PSAP: variants seen among roughly 807,000 people sequenced by gnomAD.
PSAP encodes precursor of saposins.
In PSAP, 25 loss-of-function variants were observed where a neutral mutation model predicts 66.0. The observed-to-expected ratio is 0.38, with a 90% CI of 0.28 to 0.53. The LOEUF is 0.53. Among genes scored for constraint, PSAP ranks in the 20% least tolerant of loss-of-function variants. The pLI, the probability that PSAP is intolerant of heterozygous loss-of-function variation, is 0.83. For synonymous variants in PSAP, 273 were observed against 258.9 expected (o/e 1.05, Z -0.52); for missense variants, 649 against 668.8 (o/e 0.97, Z 0.33).
chr10:71,819,399 C>T, intron 11 of PSAP, 66 bp downstream of exon 11: 5 of 1,594,636 alleles, frequency 3.1e-6, no homozygotes, highest in Non-Finnish European at 4.3e-6. Flanking sequence ...CAAAATGTAC[C>T]CCAGCCTTGG....
chr10:71,829,015 T>C lies in PSAP; in HGVS notation c.438A>G (p.Ala146=), dbSNP rs758862885. The change falls in exon 5 of 14, where the codon GCA becomes GCG. Residue 146 remains alanine (A), a synonymous_variant. Coordinates refer to ENST00000394936, the MANE Select transcript of PSAP (RefSeq NM_002778.4). ...CCAGCTGCTTCTGGTGATTCAGCTC[T>C]GCTAGGTGCTTCTGGAGAGACTCGC... The part of the protein sequence containing the change: ...NLCESLQKHL[A]ELNHQKQLES... 3.7e-6 allele frequency: 6 copies of C among 1,614,030 alleles called. No individual in the cohort carries two copies. The highest frequency in any genetic ancestry group is 1.6e-4 in the Middle Eastern group (1 of 6,084).
chr10:71,818,127 C>A (rs1007861121), intron 13 of PSAP, among the ~76,000 whole-genome samples: 1 of 152,264 alleles, frequency 6.6e-6, no homozygotes, highest in African/African-American at 2.4e-5. Flanking sequence ...CACAAGTCAC[C>A]CAACTGGTGG....
intron 9 of PSAP, 135 bp from the exon 10 acceptor site, chr10:71,820,035 A>G: frequency 1.1e-6 from 1 of 936,830 alleles, no homozygotes; most frequent in South Asian, 1.4e-5. Flanking sequence ...CTACCAAACT[A>G]CAAAGCAGGG....
chr10:71,821,932 C>T lies in PSAP; in HGVS notation c.853G>A (p.Ala285Thr), dbSNP rs1159577504. ...KEMPMQTLVPAKVASKNVIPA... is the reference protein window; with the variant it reads ...KEMPMQTLVPTKVASKNVIPA... Reference sequence around the variant, plus strand: ...ATGACATTCTTGGAGGCCACTTTGGCGGGGACCAGAGTCTGCATGGGCATC... The same window carrying T: ...ATGACATTCTTGGAGGCCACTTTGGTGGGGACCAGAGTCTGCATGGGCATC... Residue 285 changes from alanine (A) to threonine (T), a missense_variant, in exon 8 of 14, where the codon GCC becomes ACC. Physicochemically the swap from Ala to Thr is moderately conservative, Grantham distance 58. Coordinates refer to ENST00000394936, the MANE Select transcript of PSAP (RefSeq NM_002778.4). The T allele has an allele frequency of 3.1e-6, 5 of 1,614,148 alleles. No homozygotes were observed. The highest frequency in any genetic ancestry group is 4.2e-6 in the Non-Finnish European group (5 of 1,180,028).
intron 2 of PSAP, among the ~76,000 whole-genome samples, 189 bp from the exon 3 acceptor site, chr10:71,832,109 G>A (rs1368560659): frequency 2.0e-5 from 3 of 152,136 alleles, no homozygotes; most frequent in African/African-American, 2.4e-5. Context: ...GAAGAGGTGT[G>A]ACTCACCAGA....
At position 71,831,473 on chromosome 10, in the gene PSAP, G is replaced by A. The variant is rs142735142; in HGVS notation, c.250-222C>T. Reference sequence around the variant, plus strand: ...TGAAAATCCCTGGACCTGCAGTCTCGCAGGCACAGGGAATTCTAAGCAGAG... The same window carrying A: ...TGAAAATCCCTGGACCTGCAGTCTCACAGGCACAGGGAATTCTAAGCAGAG... On this transcript the variant is annotated intron_variant, in intron 3 of 13. Coordinates refer to ENST00000394936, the MANE Select transcript of PSAP (RefSeq NM_002778.4). Among the ~76,000 whole-genome samples the A allele has an allele frequency of 3.8e-4, 58 of 152,232 alleles. No individual in the cohort carries two copies. The East Asian group carries it at 8.9e-3, about 23-fold the overall frequency.
At chr10:71,848,042 C>A (rs1174663042) in intron 1 of PSAP, among the ~76,000 whole-genome samples, 1 of 152,246 alleles carries the variant, frequency 6.6e-6, no homozygotes, top group Non-Finnish European at 1.5e-5. Flanking sequence ...TCATGCCTTA[C>A]ACCTAGCTGA....
chr10:71,850,686 T>C (rs1842909806), intron 1 of PSAP, among the ~76,000 whole-genome samples: 1 of 152,248 alleles, frequency 6.6e-6, no homozygotes, highest in South Asian at 2.1e-4. Context: ...AGTAAATACA[T>C]ATGCAAACGT....
rs182434829 is a variant in PSAP at position 71,828,297 on chromosome 10, T to C, written c.577-140A>G. 321 of 882,618 alleles carry C rather than the reference T, an allele frequency of 3.6e-4. 1 individual carries two copies. Among genetic ancestry groups the C allele is most frequent in the African/African-American group, 2.3e-3 (143 of 61,182 alleles). 54.7% of individuals were successfully genotyped at this position (882,618 alleles called of 1,614,324 possible). On this transcript the variant is annotated intron_variant, in intron 5 of 13. Transcript: ENST00000394936. Reference sequence around the variant, plus strand: ...GCTTTACAGGCTCTCAAATTACTGATAGGCTTAAAATCGATTAAGTGTTCA... The same window carrying C: ...GCTTTACAGGCTCTCAAATTACTGACAGGCTTAAAATCGATTAAGTGTTCA...
intron 7 of PSAP, 173 bp downstream of exon 7, chr10:71,825,664 G>A: frequency 1.4e-6 from 1 of 704,992 alleles, no homozygotes; most frequent in Non-Finnish European, 2.6e-6. Flanking sequence ...CGTAACAGGG[G>A]AGGTACTGAG....
chr10:71,819,515 C>G lies in PSAP; in HGVS notation c.1300G>C (p.Ala434Pro). Residue 434 changes from alanine (A) to proline (P), a missense_variant, in exon 11 of 14, where the codon GCT (alanine) becomes CCT (proline). Coordinates refer to ENST00000394936, the MANE Select transcript of PSAP (RefSeq NM_002778.4). ...AAGCTGCAGCCTTTCTCAAGAGCAG[C>G]CAGGATCTCCTGCTTGGTGCTGTTT... ...EKNSTKQEIL[A>P]ALEKGCSFLP... The G allele has an allele frequency of 1.9e-6, 3 of 1,614,232 alleles. No individual in the cohort carries two copies. Among genetic ancestry groups the G allele is most frequent in the Non-Finnish European group, 1.7e-6 (2 of 1,180,054 alleles).
At chr10:71,829,330 C>G (rs1842465689) in intron 4 of PSAP, among the ~76,000 whole-genome samples, 2 of 152,174 alleles carry the variant, frequency 1.3e-5, no homozygotes, top group Non-Finnish European at 2.9e-5. Flanking sequence ...TGTCCCCACC[C>G]AAATCTCATC....
At chr10:71,851,066 G>GC (rs1432709723) in intron 1 of PSAP, 116 bp downstream of exon 1, 11 of 1,210,356 alleles carry the variant, frequency 9.1e-6, no homozygotes, top group Admixed American at 2.0e-5. Flanking sequence ...CAGTGCGCGC[G>GC]CCCCCTTGCC....
intron 1 of PSAP, among the ~76,000 whole-genome samples, chr10:71,839,759 C>T (rs910394170): frequency 3.3e-5 from 5 of 152,064 alleles, no homozygotes; most frequent in African/African-American, 1.2e-4. Flanking sequence ...GAGGCTGAGG[C>T]AGGAGAATCG....
chr10:71,817,377 C>T lies in PSAP; in HGVS notation c.*64G>A. ...TCAAACAGATCTGTGCGTTCATTCC[C>T]CCAGACACACAAGTAGAAAAAAACC... On this transcript the variant is annotated 3_prime_UTR_variant, in exon 14 of 14. Transcript: ENST00000394936. 1 of 1,530,840 alleles carries T rather than the reference C, an allele frequency of 6.5e-7. No individual in the cohort carries two copies. Among genetic ancestry groups the T allele is most frequent in the South Asian group, 1.1e-5 (1 of 89,426 alleles). The allele number at this position is 1,530,840 out of a possible 1,614,324, so 94.8% of individuals were successfully genotyped here.
chr10:71,844,559 G>A (rs1288684515), intron 1 of PSAP, among the ~76,000 whole-genome samples: 4 of 152,190 alleles, frequency 2.6e-5, no homozygotes, highest in Middle Eastern at 3.4e-3. Flanking sequence ...CCAGCTACTC[G>A]GGAGGCTGAG....
At position 71,837,629 on chromosome 10, in the gene PSAP, T is replaced by TGAAC; in HGVS notation, c.41-3128_41-3125dup. On this transcript the variant is annotated intron_variant, in intron 1 of 13. Transcript: ENST00000394936. The stretch of plus-strand genomic sequence containing the variant: ...CGAGGCCCTCAGGCCAAAGAACAAA[T>TGAAC]GAACAGTCACGATTTTCTTTACCCC... Among the ~76,000 whole-genome samples, 2 of 152,222 alleles carry TGAAC rather than the reference T, an allele frequency of 1.3e-5. 1 individual carries two copies. Among genetic ancestry groups the TGAAC allele is most frequent in the Middle Eastern group, 6.8e-3 (2 of 294 alleles).
Position 71,821,901 on chromosome 10 carries a change from G to A in PSAP, c.884C>T (p.Ala295Val). The A allele has an allele frequency of 6.2e-7, 1 of 1,614,204 alleles. No individual in the cohort carries two copies. Among genetic ancestry groups the A allele is most frequent in the Non-Finnish European group, 8.5e-7 (1 of 1,180,032 alleles). ...AKVASKNVIP[A>V]LELVEPIKKH... ...CTTAATGGGCTCCACCAGTTCCAGG[G>A]CAGGGATGACATTCTTGGAGGCCAC... Residue 295 changes from alanine to valine, a missense_variant, in exon 8 of 14, where the codon GCC (alanine) becomes GTC (valine). Transcript: ENST00000394936.
At chr10:71,819,301 C>A in intron 11 of PSAP, 164 bp downstream of exon 11, 1 of 1,154,990 alleles carries the variant, frequency 8.7e-7, no homozygotes, top group East Asian at 2.5e-5. Context: ...GTTGCTTCCC[C>A]CAGTGGCTCA....
Sources: gnomAD v4.1 joint callset for allele counts (sites outside exome capture counted in the v4.1 genomes callset) on GRCh38, gnomAD v4.1.1 for gene constraint, MANE v1.5 for transcripts, NCBI Gene and HGNC (gene_info 2026-07-23, HGNC 2026-07-21) for gene names.